ARHGAP8: variants seen among roughly 807,000 people sequenced by gnomAD.
ARHGAP8 encodes rho GTPase-activating protein 8.
In ARHGAP8, 62 loss-of-function variants were observed where a neutral mutation model predicts 46.1. The ratio of observed to expected loss-of-function variants is 1.34; its 90% CI spans 1.10 to 1.66. The LOEUF (loss-of-function observed/expected upper bound fraction) is 1.66. Among genes scored for constraint, ARHGAP8 ranks in the 40% most tolerant of loss-of-function variants. The pLI, the probability that ARHGAP8 is intolerant of heterozygous loss-of-function variation, is 0.00. For synonymous variants in ARHGAP8, 375 were observed against 243.1 expected, an observed-to-expected ratio of 1.54 and a Z score of -5.05; for missense variants, 923 against 568.4, an observed-to-expected ratio of 1.62 and a Z score of -6.34.
At chr22:44,807,083 C>T (rs1476047295) in intron 3 of ARHGAP8, among the ~76,000 whole-genome samples, 4 of 152,314 alleles carry the variant, frequency 2.6e-5, no homozygotes, top group East Asian at 1.9e-4. Context: ...GGCTTTCTCC[C>T]GAGGCAGTTC....
intron 1 of ARHGAP8, among the ~76,000 whole-genome samples, chr22:44,783,170 G>A (rs1926971358): frequency 6.6e-6 from 1 of 151,714 alleles, no homozygotes; most frequent in Admixed American, 6.6e-5. Context: ...TCGAACTCCT[G>A]ACCTTGCATG....
chr22:44,849,136 G>A, intron 10 of ARHGAP8, 76 bp downstream of exon 10: 2 of 1,597,640 alleles, frequency 1.3e-6, no homozygotes, highest in Non-Finnish European at 1.7e-6. Context: ...CCCAGGGTCA[G>A]GCTCTGGGGT....
At chr22:44,835,374 C>G (rs1931215005) in intron 7 of ARHGAP8, among the ~76,000 whole-genome samples, 1 of 152,026 alleles carries the variant, frequency 6.6e-6, no homozygotes, top group South Asian at 2.1e-4. Flanking sequence ...AGTCTCAGCA[C>G]TTTGGGAGGC....
chr22:44,788,056 T>A (rs1245581368), intron 2 of ARHGAP8, among the ~76,000 whole-genome samples: 2 of 149,658 alleles, frequency 1.3e-5, no homozygotes, highest in Non-Finnish European at 3.0e-5. Context: ...GCAGGAAATA[T>A]ATATTTTTAA....
intron 1 of ARHGAP8, chr22:44,765,106 C>T (rs1925449593): frequency 6.6e-6 from 1 of 152,368 alleles, no homozygotes; most frequent in African/African-American, 2.4e-5. Flanking sequence ...TGGGCAGGCT[C>T]CTCAGCCCTG....
At position 44,833,795 on chromosome 22, in the gene ARHGAP8, T is replaced by C. The variant is rs192574751; in HGVS notation, c.596+8202T>C. ...AAGCCATCTGATCTTAGGCTTTACT[T>C]TGTGGGAAGTTTTAAAATTACTAAT... On this transcript the variant is annotated intron_variant, in intron 7 of 11. Transcript: ENST00000356099. 1.3e-4 allele frequency among the ~76,000 whole-genome samples: 20 copies of C among 152,322 alleles called. No homozygotes were observed. The East Asian group carries it at 3.9e-3, about 29-fold the overall frequency.
intron 6 of ARHGAP8, among the ~76,000 whole-genome samples, chr22:44,824,200 A>T (rs1930347012): frequency 6.6e-6 from 1 of 152,174 alleles, no homozygotes; most frequent in African/African-American, 2.4e-5. Flanking sequence ...GCATGTCACC[A>T]GACCTTGACA....
rs112330608 is a variant in ARHGAP8, at chr22:44,782,905, C to T, written c.-71-3552C>T. ...TGGGGAGCTGCCACGCTGTTTTCCA[C>T]GGCACGCTTTAGCACTGAAACATCA... On this transcript the variant is annotated intron_variant, in intron 1 of 11. Transcript: ENST00000356099. Among the ~76,000 whole-genome samples, 243 of 152,288 alleles carry T rather than the reference C, an allele frequency of 1.6e-3. 3 individuals carry two copies. The highest frequency in any genetic ancestry group is 5.4e-3 in the African/African-American group (223 of 41,566).
Position 44,859,783 on chromosome 22 carries a change from C to A in ARHGAP8, c.930C>A (p.Leu310=), listed in dbSNP as rs150730726. The part of the protein sequence containing the change: ...VTGCRQILRS[L]PEHNYVVLRY... ...GCTGCCGCCAGATCTTACGGAGCCT[C>A]CCAGAGCACAACTACGTCGTCCTCC... The change falls in exon 11 of 12, where the codon CTC becomes CTA. Residue 310 remains leucine (L), a synonymous_variant. Transcript: ENST00000356099. 1.2e-6 allele frequency: 2 copies of A among 1,614,016 alleles called. No individual in the cohort carries two copies. The highest frequency in any genetic ancestry group is 1.1e-5 in the South Asian group (1 of 91,088).
intron 2 of ARHGAP8, 108 bp downstream of exon 2, chr22:44,786,714 A>G: frequency 1.4e-6 from 2 of 1,452,698 alleles, no homozygotes; most frequent in Admixed American, 2.4e-5. Flanking sequence ...GCAGCTGGGC[A>G]AGATTGAAAT....
rs1489691919 is a variant in ARHGAP8 at position 44,808,974 on chromosome 22, T to C, written c.299+536T>C. 9.8e-6 allele frequency: 4 copies of C among 406,822 alleles called. No homozygotes were observed. In the Admixed American group the frequency reaches 1.1e-4, roughly 11 times the overall value. The allele number at this position is 406,822 out of a possible 1,614,324, so 25.2% of individuals were successfully genotyped here. On this transcript the variant is annotated intron_variant, in intron 4 of 11. Coordinates refer to ENST00000356099, the MANE Select transcript of ARHGAP8 (RefSeq NM_181335.3). Reference sequence around the variant, plus strand: ...CTGGGACTACAGGCGTTCACCACCATGCCTAGCTAATTTTTGTATTTTTTT... The same window carrying C: ...CTGGGACTACAGGCGTTCACCACCACGCCTAGCTAATTTTTGTATTTTTTT...
chr22:44,859,588 G>A (rs2070363170), intron 10 of ARHGAP8, 143 bp from the exon 11 acceptor site: 1 of 794,978 alleles, frequency 1.3e-6, no homozygotes, highest in Non-Finnish European at 2.1e-6. Flanking sequence ...ACGGCCAGAA[G>A]ATAAGTGGGG....
At chr22:44,854,507 A>G (rs1569182171) in intron 10 of ARHGAP8, among the ~76,000 whole-genome samples, 1 of 152,138 alleles carries the variant, frequency 6.6e-6, no homozygotes, top group African/African-American at 2.4e-5. Flanking sequence ...TGCTGGGATT[A>G]TAGGCATGAG....
intron 2 of ARHGAP8, among the ~76,000 whole-genome samples, chr22:44,792,106 A>G (rs3788624): frequency 0.5 from 74,836 of 150,930 alleles, 19,123 homozygotes; most frequent in South Asian, 0.62. Flanking sequence ...TCCACCTCCC[A>G]GGTTCAAGCG....
intron 8 of ARHGAP8, among the ~76,000 whole-genome samples, chr22:44,845,782 T>C (rs551970220): frequency 6.6e-6 from 1 of 152,074 alleles, no homozygotes; most frequent in African/African-American, 2.4e-5. Context: ...GAACTTGGAG[T>C]GGGGTGAGCC....
chr22:44,862,214 G>C (rs901924739), intron 11 of ARHGAP8, 61 bp from the exon 12 acceptor site: 3 of 1,531,530 alleles, frequency 2.0e-6, no homozygotes, highest in African/African-American at 1.4e-5. Context: ...TCGGGAGGGA[G>C]TTCCAGGTGC....
Position 44,856,686 on chromosome 22 carries a change from G to A in ARHGAP8, c.878-3045G>A, listed in dbSNP as rs1181063425. Among the ~76,000 whole-genome samples the A allele has an allele frequency of 4.2e-5, 6 of 144,374 alleles. 1 individual carries two copies. The highest frequency in any genetic ancestry group is 6.0e-5 in the Non-Finnish European group (4 of 66,654). The allele number at this position is 144,374 out of a possible 152,430, so 94.7% of individuals were successfully genotyped here. On this transcript the variant is annotated intron_variant, in intron 10 of 11. Coordinates refer to ENST00000356099, the MANE Select transcript of ARHGAP8 (RefSeq NM_181335.3). Reference sequence around the variant, plus strand: ...CACAAAACAAGACGAAAGGAGAATCGTATCCCATGATTCTCCTCTTCACAA... The same window carrying A: ...CACAAAACAAGACGAAAGGAGAATCATATCCCATGATTCTCCTCTTCACAA...
intron 5 of ARHGAP8, among the ~76,000 whole-genome samples, chr22:44,819,053 T>A (rs1929949896): frequency 6.6e-6 from 1 of 151,990 alleles, no homozygotes; most frequent in Non-Finnish European, 1.5e-5. Flanking sequence ...CTGTGTTTTT[T>A]GTTTGTTGTT....
At chr22:44,793,057 C>T (rs1006435164) in intron 2 of ARHGAP8, among the ~76,000 whole-genome samples, 15 of 152,074 alleles carry the variant, frequency 9.9e-5, no homozygotes, top group Admixed American at 2.6e-4. Flanking sequence ...ATCCTGACCT[C>T]GGGATCCTCC....
Sources: gnomAD v4.1 joint callset for allele counts (sites outside exome capture counted in the v4.1 genomes callset) on GRCh38, gnomAD v4.1.1 for gene constraint, MANE v1.5 for transcripts, NCBI Gene and HGNC (gene_info 2026-07-23, HGNC 2026-07-21) for gene names.